ADGRF4: variants seen among roughly 807,000 people sequenced by gnomAD.
The protein encoded by ADGRF4 is adhesion G protein-coupled receptor F4, also known as G-protein coupled receptor PGR18.
A neutral mutation model predicts 58.5 loss-of-function variants in ADGRF4; 63 were observed. That is an observed-to-expected ratio of 1.08 (90% confidence interval 0.88 to 1.33). The LOEUF is 1.33. Among genes scored for constraint, ADGRF4 ranks in the 40% most tolerant of loss-of-function variants. ADGRF4 has a pLI of 0.00. For synonymous variants in ADGRF4, 313 were observed against 295.4 expected (o/e 1.06, Z -0.61); for missense variants, 931 against 843.9 (o/e 1.10, Z -1.28).
In ADGRF4 at chr6:47,714,909, A is replaced by T; in HGVS notation, c.1664A>T (p.Asn555Ile). 6.2e-7 allele frequency: 1 copy of T among 1,613,190 alleles called. No homozygotes were observed. Among genetic ancestry groups the T allele is most frequent in the Non-Finnish European group, 8.5e-7 (1 of 1,179,152 alleles). The change falls in exon 6 of 10, where the codon AAT (asparagine) becomes ATT (isoleucine). Residue 555 changes from asparagine (N) to isoleucine (I), a missense_variant. Physicochemically the swap from Asn to Ile is moderately radical, Grantham distance 149. Coordinates refer to ENST00000283303, the MANE Select transcript of ADGRF4 (RefSeq NM_153838.5). ...GAGGCCTGTTGGCTTAACTGGGACA[A>T]TACCAAAGCCCTTTTAGCATTTGCC... ...RPEACWLNWD[N>I]TKALLAFAIP...
intron 4 of ADGRF4, among the ~76,000 whole-genome samples, chr6:47,711,387 C>T (rs980684676): frequency 1.8e-4 from 27 of 152,078 alleles, no homozygotes; most frequent in South Asian, 2.1e-4. Flanking sequence ...CTCAGCCTCC[C>T]GAGGAGCTGT....
At position 47,709,244 on chromosome 6, in the gene ADGRF4, A is replaced by AGGCTATTCT. The variant is rs201960058; in HGVS notation, c.148+966_148+967insGGCTATTCT. Among the ~76,000 whole-genome samples, 659 of 152,276 alleles carry AGGCTATTCT rather than the reference A, an allele frequency of 4.3e-3. 3 individuals carry two copies. The highest frequency in any genetic ancestry group is 0.014 in the African/African-American group (574 of 41,540). On this transcript the variant is annotated intron_variant, in intron 3 of 9. Transcript: ENST00000283303. The stretch of plus-strand genomic sequence containing the variant: ...TCCATTTTCCCCAGCTGCTATCTTA[A>AGGCTATTCT]CCTGAGAATATTTCAACAGCCTCGT...
intron 2 of ADGRF4, 51 bp from the exon 3 acceptor site, chr6:47,708,173 G>T: frequency 1.5e-6 from 2 of 1,372,660 alleles, no homozygotes; most frequent in East Asian, 2.3e-5. Context: ...GCTGAGATGA[G>T]GGAGCAGAGT....
At position 47,710,786 on chromosome 6, in the gene ADGRF4, C is replaced by T; in HGVS notation, c.200C>T (p.Ala67Val). 1 of 1,613,296 alleles carries T rather than the reference C, an allele frequency of 6.2e-7. No individual in the cohort carries two copies. Among genetic ancestry groups the T allele is most frequent in the Non-Finnish European group, 8.5e-7 (1 of 1,179,530 alleles). Residue 67 changes from alanine (A) to valine (V), a missense_variant, in exon 4 of 10, where the codon GCT becomes GTT. Coordinates refer to ENST00000283303, the MANE Select transcript of ADGRF4 (RefSeq NM_153838.5). The stretch of plus-strand genomic sequence containing the variant: ...TCTTCCAACTGCAGCCAGCCCTGTG[C>T]TAAGGACTTTCATGGAGAAATAGGA... ...ISSSNCSQPCAKDFHGEIGFT... is the reference protein window; with the variant it reads ...ISSSNCSQPCVKDFHGEIGFT...
Position 47,707,302 on chromosome 6 carries a change from A to G in ADGRF4, c.57A>G (p.Thr19=). The G allele has an allele frequency of 6.2e-7, 1 of 1,613,130 alleles. No individual in the cohort carries two copies. The highest frequency in any genetic ancestry group is 1.3e-5 in the African/African-American group (1 of 75,040). ...GCTGCTTAGTGTTCTTTCTGTCCAC[A>G]GAATGTTCCCACTATAGATCCAAGA... is the stretch of plus-strand genomic sequence containing the variant. The part of the protein sequence containing the change: ...MICCLVFFLS[T]ECSHYRSKIH... Residue 19 remains threonine, a synonymous_variant, in exon 2 of 10, where the codon ACA becomes ACG. Transcript: ENST00000283303.
chr6:47,715,742 T>A (rs1771998291), intron 6 of ADGRF4: 1 of 152,918 alleles, frequency 6.5e-6, no homozygotes, highest in East Asian at 1.9e-4. Context: ...ACTATTTGGT[T>A]CTTTGCAGTA....
chr6:47,716,553 C>T (rs1772023370), intron 6 of ADGRF4, among the ~76,000 whole-genome samples: 1 of 152,188 alleles, frequency 6.6e-6, no homozygotes, highest in South Asian at 2.1e-4. Context: ...TGAAAACTAT[C>T]CTACATCTAC....
rs566069534 is a variant in ADGRF4, at chr6:47,713,828, G to A, written c.583G>A (p.Asp195Asn). 242 of 1,571,552 alleles carry A rather than the reference G, an allele frequency of 1.5e-4. 2 individuals are homozygous for A. In the South Asian group the frequency reaches 2.2e-3, roughly 15 times the overall value. ...TAGTGAAGTGGCCAACCACATCCTC[G>A]ACACAGCAGCCATTTCAAACTGGGC... ...SYSEVANHIL[D>N]TAAISNWAFI... The change falls in exon 6 of 10, where the codon GAC becomes AAC. Residue 195 changes from aspartate (D) to asparagine (N), a missense_variant. Transcript: ENST00000283303.
At chr6:47,718,124 G>A (rs543957323) in intron 8 of ADGRF4, among the ~76,000 whole-genome samples, 6 of 152,122 alleles carry the variant, frequency 3.9e-5, no homozygotes, top group Non-Finnish European at 8.8e-5. Context: ...TAACGTTTCT[G>A]AAATTGGAAT....
chr6:47,712,638 G>A, intron 5 of ADGRF4, 30 bp downstream of exon 5: 1 of 1,523,772 alleles, frequency 6.6e-7, no homozygotes. Context: ...TAAAAATGAT[G>A]TTTTTCTTAA....
At chr6:47,706,062 A>G (rs2113896862) in intron 1 of ADGRF4, among the ~76,000 whole-genome samples, 1 of 152,378 alleles carries the variant, frequency 6.6e-6, no homozygotes, top group African/African-American at 2.4e-5. Context: ...TAGTTCATCC[A>G]TAGTAGACAT....
In ADGRF4 at chr6:47,708,253, G is replaced by A. The variant is rs1362423369; in HGVS notation, c.123G>A (p.Gly41=). 1.2e-6 allele frequency: 2 copies of A among 1,612,340 alleles called. No individual in the cohort carries two copies. Among genetic ancestry groups the A allele is most frequent in the African/African-American group, 2.7e-5 (2 of 74,896 alleles). ...KAGDKLQSPE[G]KPKTGRIQEK... ...GAGATAAACTTCAAAGCCCTGAAGGGAAACCCAAGACTGGAAGGATCCAAG... is the reference window on the plus strand; with the variant it reads ...GAGATAAACTTCAAAGCCCTGAAGGAAAACCCAAGACTGGAAGGATCCAAG... The change falls in exon 3 of 10, where the codon GGG becomes GGA. Residue 41 remains glycine, a synonymous_variant. Transcript: ENST00000283303.
chr6:47,705,625 G>A (rs536827249), intron 1 of ADGRF4, among the ~76,000 whole-genome samples: 1 of 152,340 alleles, frequency 6.6e-6, no homozygotes, highest in Non-Finnish European at 1.5e-5. Flanking sequence ...GTAAGTGCCT[G>A]TGGCTTGTCA....
chr6:47,716,522 A>G (rs1234404116), intron 6 of ADGRF4, among the ~76,000 whole-genome samples: 3 of 152,214 alleles, frequency 2.0e-5, no homozygotes, highest in Non-Finnish European at 2.9e-5. Context: ...TTGGGAAGAA[A>G]GTAACATAAC....
chr6:47,711,256 A>G (rs1345671114), intron 4 of ADGRF4, among the ~76,000 whole-genome samples: 1 of 152,082 alleles, frequency 6.6e-6, no homozygotes, highest in East Asian at 1.9e-4. Flanking sequence ...GATCAAATTT[A>G]TTTTGATATC....
intron 1 of ADGRF4, among the ~76,000 whole-genome samples, chr6:47,703,533 G>C (rs1202582001): frequency 6.6e-6 from 1 of 152,118 alleles, no homozygotes; most frequent in Non-Finnish European, 1.5e-5. Context: ...TAATGTCACT[G>C]AATATTCTCC....
chr6:47,712,446 T>G lies in ADGRF4; in HGVS notation c.390T>G (p.Ser130Arg). The change falls in exon 5 of 10, where the codon AGT becomes AGG. Residue 130 changes from serine to arginine, a missense_variant. Physicochemically the swap from Ser to Arg is moderately radical, Grantham distance 110. Transcript: ENST00000283303. ...TTCGAGCTCCAGAGACCATTGAGAGTGTAGCTCAAGGAATCCGTAAGAACT... is the reference window on the plus strand; with the variant it reads ...TTCGAGCTCCAGAGACCATTGAGAGGGTAGCTCAAGGAATCCGTAAGAACT... ...LDFRAPETIE[S>R]VAQGIRKNCP... The G allele has an allele frequency of 6.2e-7, 1 of 1,613,994 alleles. No homozygotes were observed. Among genetic ancestry groups the G allele is most frequent in the Admixed American group, 1.7e-5 (1 of 60,020 alleles).
intron 8 of ADGRF4, 147 bp downstream of exon 8, chr6:47,717,498 A>G: frequency 1.5e-6 from 1 of 682,620 alleles, no homozygotes; most frequent in Admixed American, 2.1e-5. Context: ...TCATTCGGTA[A>G]ATTTGGAGTG....
At position 47,714,446 on chromosome 6, in the gene ADGRF4, C is replaced by T; in HGVS notation, c.1201C>T (p.Leu401=). The part of the protein sequence containing the change: ...MSSKSMTDKV[L]DYITCIGLSV... ...CTCCAAATCGATGACCGACAAAGTT[C>T]TGGACTACATCACCTGCATTGGGCT... The change falls in exon 6 of 10, where the codon CTG becomes TTG. Residue 401 remains leucine, a synonymous_variant. Transcript: ENST00000283303. 1 of 1,614,172 alleles carries T rather than the reference C, an allele frequency of 6.2e-7. No homozygotes were observed. Among genetic ancestry groups the T allele is most frequent in the Non-Finnish European group, 8.5e-7 (1 of 1,180,032 alleles).
Sources: allele counts gnomAD v4.1 joint callset (sites outside exome capture counted in the v4.1 genomes callset), GRCh38; gene constraint gnomAD v4.1.1; transcripts MANE v1.5; gene names NCBI Gene and HGNC (gene_info 2026-07-23, HGNC 2026-07-21).